Variants in SLC39A11 observed in about 807,000 individuals in gnomAD.
The protein encoded by SLC39A11 is solute carrier family 39 member 11.
SLC39A11 carries 33 observed loss-of-function variants against 36.1 expected under a neutral mutation model. The ratio of observed to expected loss-of-function variants is 0.91; its 90% CI spans 0.69 to 1.22. The LOEUF (loss-of-function observed/expected upper bound fraction) is 1.22. Ranked by LOEUF, SLC39A11 falls within the 50% of genes most tolerant of loss-of-function variation. The pLI is 0.00. For missense variants in SLC39A11, 432 were observed against 430.3 expected (o/e 1.00, Z -0.03); for synonymous variants, 166 against 170.3 (o/e 0.97, Z 0.20).
intron 3 of SLC39A11, among the ~76,000 whole-genome samples, chr17:73,062,796 G>A (rs560907438): frequency 1.1e-4 from 17 of 152,278 alleles, no homozygotes; most frequent in East Asian, 5.8e-4. Flanking sequence ...ATCATCAGGC[G>A]TTAGAGTCTC....
At chr17:72,696,492 G>A (rs922166817) in intron 7 of SLC39A11, among the ~76,000 whole-genome samples, 1 of 152,110 alleles carries the variant, frequency 6.6e-6, no homozygotes, top group African/African-American at 2.4e-5. Flanking sequence ...ATCTGATCCC[G>A]GAGTCTGTTC....
At chr17:72,671,402 C>G (rs1012556642) in intron 7 of SLC39A11, among the ~76,000 whole-genome samples, 4 of 152,262 alleles carry the variant, frequency 2.6e-5, no homozygotes, top group East Asian at 3.9e-4. Flanking sequence ...ATTAGGTTGA[C>G]AATACTAAAC....
intron 6 of SLC39A11, among the ~76,000 whole-genome samples, chr17:72,804,045 G>C (rs1309472363): frequency 6.6e-6 from 1 of 152,092 alleles, no homozygotes; most frequent in South Asian, 2.1e-4. Flanking sequence ...GCTCAGGCTG[G>C]AGTGCACTGG....
In SLC39A11 at chr17:72,869,193, C is replaced by T. The variant is rs569422956; in HGVS notation, c.431-19389G>A. ...CCATGTTGTCCTTCCCAAGTGGCAC[C>T]AGTGAAAGTAACAAGAAGCCCAGAG... On this transcript the variant is annotated intron_variant, in intron 5 of 9. Transcript: ENST00000255559. 6.6e-5 allele frequency among the ~76,000 whole-genome samples: 10 copies of T among 152,268 alleles called. No homozygotes were observed. In the South Asian group the frequency reaches 2.1e-3, roughly 32 times the overall value.
chr17:72,844,264 G>T (rs2145907967), intron 6 of SLC39A11, among the ~76,000 whole-genome samples: 1 of 152,316 alleles, frequency 6.6e-6, no homozygotes, highest in South Asian at 2.1e-4. Context: ...CTTTAGACAG[G>T]ATTAGGAGCT....
intron 5 of SLC39A11, among the ~76,000 whole-genome samples, chr17:72,898,842 G>C (rs2082165640): frequency 6.6e-6 from 1 of 152,114 alleles, no homozygotes; most frequent in African/African-American, 2.4e-5. Context: ...CCTGACTTCA[G>C]AACCCTCACT....
chr17:72,829,222 C>T (rs957642432), intron 6 of SLC39A11, among the ~76,000 whole-genome samples: 3 of 152,018 alleles, frequency 2.0e-5, no homozygotes, highest in Admixed American at 2.0e-4. Flanking sequence ...GCTGGGCACA[C>T]CTGTGGTCCC....
intron 3 of SLC39A11, among the ~76,000 whole-genome samples, chr17:73,039,377 C>T (rs1459843032): frequency 1.3e-5 from 2 of 152,184 alleles, no homozygotes; most frequent in African/African-American, 2.4e-5. Flanking sequence ...GAACGTCGCA[C>T]ATGCCCAGGA....
chr17:72,695,468 C>T (rs1251355934), intron 7 of SLC39A11, among the ~76,000 whole-genome samples: 3 of 152,238 alleles, frequency 2.0e-5, no homozygotes, highest in African/African-American at 7.2e-5. Context: ...ATATTTCTCC[C>T]ATCCAAGTAC....
At chr17:72,965,019 G>A (rs911081108) in intron 4 of SLC39A11, among the ~76,000 whole-genome samples, 2 of 151,570 alleles carry the variant, frequency 1.3e-5, no homozygotes, top group African/African-American at 2.4e-5. Flanking sequence ...ACCAAACACT[G>A]CATGTTCTCA....
At chr17:72,670,192 CACACACACACACACACACACAT>C (rs1477498408) in intron 7 of SLC39A11, among the ~76,000 whole-genome samples, 174 of 132,588 alleles carry the variant, frequency 1.3e-3, no homozygotes, top group African/African-American at 4.5e-3. Context: ...CACACACACA[CACACACACACACACACACACAT>C]ATATATATAT....
intron 2 of SLC39A11, 21 bp from the exon 3 acceptor site, chr17:73,084,867 T>C (rs2060668360): frequency 6.2e-7 from 1 of 1,613,696 alleles, no homozygotes; most frequent in South Asian, 1.1e-5. Flanking sequence ...AAACAAGATG[T>C]TTCAGTTTCC....
intron 3 of SLC39A11, among the ~76,000 whole-genome samples, chr17:73,071,358 C>T (rs945306199): frequency 1.3e-5 from 2 of 152,208 alleles, no homozygotes; most frequent in African/African-American, 4.8e-5. Context: ...GCCCAGATAA[C>T]TCATCACACT....
chr17:72,701,055 C>T (rs2072588924), intron 7 of SLC39A11, among the ~76,000 whole-genome samples: 1 of 152,254 alleles, frequency 6.6e-6, no homozygotes, highest in Admixed American at 6.5e-5. Context: ...CCACCAAGCT[C>T]AGATGGGACG....
intron 5 of SLC39A11, among the ~76,000 whole-genome samples, chr17:72,863,665 ACAGT>A (rs2080155861): frequency 6.6e-6 from 1 of 152,218 alleles, no homozygotes; most frequent in African/African-American, 2.4e-5. Context: ...GAGTCTGCAG[ACAGT>A]CAGGTCCTGG....
intron 6 of SLC39A11, among the ~76,000 whole-genome samples, chr17:72,738,648 C>T (rs913465173): frequency 2.0e-5 from 3 of 152,114 alleles, no homozygotes; most frequent in Middle Eastern, 3.2e-3. Flanking sequence ...GTGAAGAGGG[C>T]GATGATTCCC....
At chr17:73,022,091 G>A (rs189564156) in intron 4 of SLC39A11, among the ~76,000 whole-genome samples, 1 of 152,374 alleles carries the variant, frequency 6.6e-6, no homozygotes, top group Admixed American at 6.5e-5. Context: ...CAAAGCCACA[G>A]ATATTTTTCC....
At chr17:72,741,167 CTGTAGTTAATTCTA>C (rs1364268955) in intron 6 of SLC39A11, among the ~76,000 whole-genome samples, 4 of 152,158 alleles carry the variant, frequency 2.6e-5, no homozygotes, top group Admixed American at 2.0e-4. Context: ...GTACAGTGGG[CTGTAGTTAATTCTA>C]TGTAGTTATG....
chr17:72,879,317 C>T (rs1215642834), intron 5 of SLC39A11, among the ~76,000 whole-genome samples: 1 of 152,190 alleles, frequency 6.6e-6, no homozygotes, highest in Non-Finnish European at 1.5e-5. Context: ...CATCCTGAAG[C>T]TATCTAGGGG....
Sources: gnomAD v4.1 joint callset for allele counts (sites outside exome capture counted in the v4.1 genomes callset) on GRCh38, gnomAD v4.1.1 for gene constraint, MANE v1.5 for transcripts, NCBI Gene and HGNC (gene_info 2026-07-23, HGNC 2026-07-21) for gene names.